The following MACROD1 variants were observed in gnomAD, a reference collection of about 807,000 sequenced individuals.
The protein encoded by MACROD1 is ADP-ribose glycohydrolase MACROD1.
Under a neutral mutation model 41.4 loss-of-function variants are expected in MACROD1, and 31 were observed. The observed-to-expected ratio is 0.75, with a 90% CI of 0.56 to 1.01. The LOEUF is 1.01. Among genes scored for constraint, MACROD1 ranks in the 50% least tolerant of loss-of-function variants. MACROD1 has a pLI of 0.00. For synonymous variants in MACROD1, 252 were observed against 203.4 expected (o/e 1.24, Z -2.03); for missense variants, 473 against 460.0 (o/e 1.03, Z -0.26).
At chr11:64,030,424 A>C (rs754457392) in intron 3 of MACROD1, among the ~76,000 whole-genome samples, 1 of 152,150 alleles carries the variant, frequency 6.6e-6, no homozygotes, top group Non-Finnish European at 1.5e-5. Flanking sequence ...CATGCTGGAC[A>C]CTGTAGCAGG....
intron 3 of MACROD1, among the ~76,000 whole-genome samples, chr11:64,028,797 G>GGCTTTGAGT (rs1943257300): frequency 6.6e-6 from 1 of 152,182 alleles, no homozygotes; most frequent in Admixed American, 6.5e-5. Flanking sequence ...GCAGGTAAGT[G>GGCTTTGAGT]GCTTTGAGTG....
chr11:64,153,243 C>T lies in MACROD1; in HGVS notation c.299-850G>A, dbSNP rs549595290. Among the ~76,000 whole-genome samples, 6 of 152,316 alleles carry T rather than the reference C, an allele frequency of 3.9e-5. No individual in the cohort carries two copies. The South Asian group carries it at 1.2e-3, about 32-fold the overall frequency. ...GGCCAGGCTAGCAGCTCACGGGCTC[C>T]CCCTGCTGGCCCGAGGCCGCCTGCA... On this transcript the variant is annotated intron_variant, in intron 1 of 10. Transcript: ENST00000255681.
intron 3 of MACROD1, among the ~76,000 whole-genome samples, chr11:64,022,048 C>G (rs554753756): frequency 2.8e-5 from 4 of 145,246 alleles, no homozygotes; most frequent in South Asian, 2.2e-4. Context: ...GGGTGGGGGA[C>G]GAGGAGCAAA....
chr11:64,147,732 G>C (rs907195618), intron 3 of MACROD1, among the ~76,000 whole-genome samples: 7 of 96,538 alleles, frequency 7.3e-5, no homozygotes, highest in Non-Finnish European at 1.1e-4. Flanking sequence ...CCCAGAATCT[G>C]ATGTTCTATT....
chr11:64,018,347 C>T (rs754574204), intron 3 of MACROD1, among the ~76,000 whole-genome samples: 16 of 152,198 alleles, frequency 1.1e-4, no homozygotes, highest in Non-Finnish European at 2.4e-4. Context: ...CTCAGCTCCT[C>T]CTTTCCCTGG....
chr11:64,101,109 C>G (rs1284571928), intron 3 of MACROD1, among the ~76,000 whole-genome samples: 1 of 151,944 alleles, frequency 6.6e-6, no homozygotes, highest in Non-Finnish European at 1.5e-5. Context: ...TTCACAGGAC[C>G]ACACAAGCCA....
At chr11:64,105,712 G>T (rs1341287500) in intron 3 of MACROD1, among the ~76,000 whole-genome samples, 2 of 152,186 alleles carry the variant, frequency 1.3e-5, no homozygotes, top group Non-Finnish European at 2.9e-5. Context: ...ATGAGGCCCT[G>T]CTGGAGTTGA....
At chr11:64,069,075 G>A (rs1237012096) in intron 3 of MACROD1, among the ~76,000 whole-genome samples, 1 of 152,202 alleles carries the variant, frequency 6.6e-6, no homozygotes, top group Non-Finnish European at 1.5e-5. Context: ...GGCAGGATGG[G>A]GGCAGGAGAA....
At chr11:64,010,321 T>G (rs67136175) in intron 4 of MACROD1, among the ~76,000 whole-genome samples, 37,902 of 114,136 alleles carry the variant, frequency 0.33, 6,892 homozygotes, top group Non-Finnish European at 0.44. Context: ...TGGTATGTTG[T>G]TTGGGGTGTT....
chr11:64,087,769 T>C (rs1416278121), intron 3 of MACROD1, among the ~76,000 whole-genome samples: 2 of 152,358 alleles, frequency 1.3e-5, no homozygotes, highest in East Asian at 3.9e-4. Flanking sequence ...GCTGTGCACG[T>C]CTGAATGACC....
At chr11:64,085,919 C>T (rs552817461) in intron 3 of MACROD1, among the ~76,000 whole-genome samples, 27 of 151,280 alleles carry the variant, frequency 1.8e-4, no homozygotes, top group African/African-American at 6.1e-4. Flanking sequence ...CCCACCCCCA[C>T]AGAAGGGGAG....
chr11:64,088,415 A>G (rs1161199954), intron 3 of MACROD1, among the ~76,000 whole-genome samples: 3 of 152,254 alleles, frequency 2.0e-5, no homozygotes, highest in African/African-American at 7.2e-5. Context: ...AGGCCGGCAC[A>G]AGCATCCTCC....
chr11:64,068,734 A>C (rs577660593), intron 3 of MACROD1, among the ~76,000 whole-genome samples: 16 of 152,304 alleles, frequency 1.1e-4, no homozygotes, highest in African/African-American at 3.4e-4. Flanking sequence ...TGCAGCTGGG[A>C]CAGCTGCTAG....
chr11:64,139,420 T>G (rs1051111027), intron 3 of MACROD1, among the ~76,000 whole-genome samples: 23 of 152,182 alleles, frequency 1.5e-4, no homozygotes, highest in Non-Finnish European at 2.9e-5. Context: ...TTCCTGTATG[T>G]CCTTCCAGGG....
At chr11:64,010,204 TATTG>T (rs1942982695) in intron 4 of MACROD1, among the ~76,000 whole-genome samples, 1 of 147,756 alleles carries the variant, frequency 6.8e-6, no homozygotes, top group Non-Finnish European at 1.5e-5. Context: ...TTGGTTGGCA[TATTG>T]GTTGGGGTGT....
rs1269959562 is a variant in MACROD1, at chr11:64,146,469, T to C, written c.517+4770A>G. Among the ~76,000 whole-genome samples, 3 of 152,124 alleles carry C rather than the reference T, an allele frequency of 2.0e-5. No individual in the cohort carries two copies. The highest frequency in any genetic ancestry group is 1.3e-4 in the Admixed American group (2 of 15,282). On this transcript the variant is annotated intron_variant, in intron 3 of 10. Coordinates refer to ENST00000255681, the MANE Select transcript of MACROD1 (RefSeq NM_014067.4). The surrounding 1 kb of genome is among the most constrained non-coding windows in gnomAD (Gnocchi z 4.7). Reference sequence around the variant, plus strand: ...GGGCAGGAGCCGTGGCCGACACAGATGGCAGGAACCTGAGACTCTCCCGGG... The same window carrying C: ...GGGCAGGAGCCGTGGCCGACACAGACGGCAGGAACCTGAGACTCTCCCGGG...
Position 64,049,727 on chromosome 11 carries a change from G to T in MACROD1, c.518-34446C>A, listed in dbSNP as rs369563410. On this transcript the variant is annotated intron_variant, in intron 3 of 10. Transcript: ENST00000255681. ...TGCACACCCCAGAGCCCAGTGTCTT[G>T]CCTTCTCATCCTGAGGGGGATCGGT... Among the ~76,000 whole-genome samples, 188 of 152,346 alleles carry T rather than the reference G, an allele frequency of 1.2e-3. 1 individual carries two copies. Among genetic ancestry groups the T allele is most frequent in the African/African-American group, 4.1e-3 (169 of 41,578 alleles).
intron 3 of MACROD1, among the ~76,000 whole-genome samples, chr11:64,134,280 T>A (rs1275061110): frequency 6.6e-6 from 1 of 152,118 alleles, no homozygotes; most frequent in Non-Finnish European, 1.5e-5. Flanking sequence ...CACCCTGAGC[T>A]TTGCAGTACA....
At chr11:63,998,790 G>A (rs1942759855) in intron 10 of MACROD1, 48 bp downstream of exon 10, 6 of 1,461,164 alleles carry the variant, frequency 4.1e-6, no homozygotes, top group South Asian at 1.4e-5. Context: ...GTTAGTGGGC[G>A]GGTTAGTCTA....
Sources: gnomAD v4.1 joint callset for allele counts (sites outside exome capture counted in the v4.1 genomes callset) on GRCh38, gnomAD v4.1.1 for gene constraint, Gnocchi (gnomAD v3.1) non-coding constraint, MANE v1.5 for transcripts, NCBI Gene and HGNC (gene_info 2026-07-23, HGNC 2026-07-21) for gene names.